Variants in SGPP2 observed in about 807,000 individuals in gnomAD.
SGPP2 encodes sphingosine-1-phosphate phosphatase 2.
In SGPP2, 30 loss-of-function variants were observed where a neutral mutation model predicts 33.9. The ratio of observed to expected loss-of-function variants is 0.89; its 90% confidence interval spans 0.66 to 1.20. The LOEUF (loss-of-function observed/expected upper bound fraction) is 1.20, where lower values mean the gene tolerates loss of function less well. Among genes scored for constraint, SGPP2 ranks in the 50% most tolerant of loss-of-function variants. The probability of loss-of-function intolerance (pLI) is 0.00; values close to 1 mark genes in which losing one functional copy is unlikely to be tolerated. For missense variants in SGPP2, 458 were observed against 532.1 expected (o/e 0.86, Z 1.37); for synonymous variants, 233 against 225.0 (o/e 1.04, Z -0.32).
chr2:222,448,085 G>A (rs1408592999), intron 1 of SGPP2, among the ~76,000 whole-genome samples: 1 of 152,170 alleles, frequency 6.6e-6, no homozygotes, highest in African/African-American at 2.4e-5. Context: ...TATGATCTAG[G>A]TTGGACTCCG....
intron 4 of SGPP2, among the ~76,000 whole-genome samples, chr2:222,537,701 T>G (rs1039426169): frequency 6.6e-6 from 1 of 152,220 alleles, no homozygotes; most frequent in Non-Finnish European, 1.5e-5. Context: ...TCTGAGAACT[T>G]GTCCTAAAGA....
At chr2:222,469,047 A>G (rs1697798573) in intron 1 of SGPP2, among the ~76,000 whole-genome samples, 1 of 152,276 alleles carries the variant, frequency 6.6e-6, no homozygotes, top group South Asian at 2.1e-4. Context: ...AGAGCCTCTC[A>G]TGAGGAATAT....
chr2:222,531,444 T>G (rs1698837933), intron 4 of SGPP2, among the ~76,000 whole-genome samples: 1 of 152,150 alleles, frequency 6.6e-6, no homozygotes, highest in Non-Finnish European at 1.5e-5. Context: ...CTTATATGAT[T>G]CCACTTACAT....
intron 1 of SGPP2, among the ~76,000 whole-genome samples, chr2:222,462,889 G>A (rs1217454975): frequency 6.6e-6 from 1 of 152,106 alleles, no homozygotes; most frequent in Non-Finnish European, 1.5e-5. Context: ...GTCGGAGGAG[G>A]TAGTCTGGGT....
At chr2:222,443,991 G>A (rs545905917) in intron 1 of SGPP2, among the ~76,000 whole-genome samples, 1 of 152,298 alleles carries the variant, frequency 6.6e-6, no homozygotes, top group South Asian at 2.1e-4. Flanking sequence ...ATGGTATTTG[G>A]TGTCAAGTCA....
In SGPP2 at chr2:222,477,839, A is replaced by G. The variant is rs768042337; in HGVS notation, c.378+3113A>G. ...GGTTATTTTCTGCTTCGGATTCCTC[A>G]CTTCAAAGCGTCAGAGTGCTTGTCT... is the stretch of plus-strand genomic sequence containing the variant. On this transcript the variant is annotated intron_variant, in intron 2 of 4. Coordinates refer to ENST00000321276, the MANE Select transcript of SGPP2 (RefSeq NM_152386.4). The surrounding 1 kb of genome is among the most constrained non-coding windows in gnomAD (Gnocchi z 6.0). Among the ~76,000 whole-genome samples the G allele has an allele frequency of 3.9e-5, 6 of 152,060 alleles. No individual in the cohort carries two copies. Among genetic ancestry groups the G allele is most frequent in the African/African-American group, 7.3e-5 (3 of 41,358 alleles).
chr2:222,433,045 A>G (rs1028494445), intron 1 of SGPP2, among the ~76,000 whole-genome samples: 1 of 143,690 alleles, frequency 7.0e-6, no homozygotes, highest in African/African-American at 2.6e-5. Flanking sequence ...GAAAGAAAGA[A>G]AGAAAGAGAG....
At chr2:222,450,541 C>G (rs1050083431) in intron 1 of SGPP2, among the ~76,000 whole-genome samples, 1 of 152,176 alleles carries the variant, frequency 6.6e-6, no homozygotes, top group African/African-American at 2.4e-5. Flanking sequence ...TGGACAGACT[C>G]CACCTCCAAA....
chr2:222,452,385 C>A, intron 1 of SGPP2: 1 of 736,536 alleles, frequency 1.4e-6, no homozygotes, highest in South Asian at 1.4e-5. Context: ...TGAGTAATAT[C>A]AATTTCACTC....
intron 1 of SGPP2, among the ~76,000 whole-genome samples, chr2:222,464,391 A>C (rs940108273): frequency 2.6e-5 from 4 of 152,230 alleles, no homozygotes; most frequent in Non-Finnish European, 5.9e-5. Context: ...TTTCTGTCCT[A>C]TCCAGATAAA....
At chr2:222,496,717 A>G (rs978384338) in intron 2 of SGPP2, among the ~76,000 whole-genome samples, 2 of 151,940 alleles carry the variant, frequency 1.3e-5, no homozygotes, top group African/African-American at 4.8e-5. Flanking sequence ...TACATATTCT[A>G]CTTTGTGCTC....
intron 4 of SGPP2, among the ~76,000 whole-genome samples, chr2:222,548,113 A>C (rs1322252295): frequency 2.0e-5 from 3 of 152,234 alleles, no homozygotes; most frequent in Non-Finnish European, 4.4e-5. Context: ...TTGCATTTCA[A>C]CCAGATAAAA....
chr2:222,454,943 G>T (rs781525244), intron 1 of SGPP2, among the ~76,000 whole-genome samples: 9 of 152,266 alleles, frequency 5.9e-5, no homozygotes, highest in South Asian at 4.1e-4. Context: ...TTTGTTGAAT[G>T]CTTACTGCGT....
intron 1 of SGPP2, among the ~76,000 whole-genome samples, chr2:222,451,046 T>C (rs1697478287): frequency 6.6e-6 from 1 of 152,102 alleles, no homozygotes. Flanking sequence ...AATGCATTTT[T>C]ATTGTCTTAA....
chr2:222,512,169 G>A (rs369570802), intron 2 of SGPP2, among the ~76,000 whole-genome samples: 6 of 151,910 alleles, frequency 3.9e-5, no homozygotes, highest in Admixed American at 2.0e-4. Flanking sequence ...CCGCCACCAC[G>A]CCCAGCTAAT....
At chr2:222,432,132 G>A (rs1490593003) in intron 1 of SGPP2, among the ~76,000 whole-genome samples, 6 of 152,238 alleles carry the variant, frequency 3.9e-5, no homozygotes, top group Non-Finnish European at 7.3e-5. Context: ...TGGCAACTGA[G>A]AGCACTGTGT....
chr2:222,491,588 A>G (rs991568891), intron 2 of SGPP2, among the ~76,000 whole-genome samples: 5 of 152,102 alleles, frequency 3.3e-5, no homozygotes, highest in African/African-American at 1.2e-4. Flanking sequence ...CCATGATCCA[A>G]TCACCTCCCA....
chr2:222,519,522 A>T (rs190316156), intron 2 of SGPP2, among the ~76,000 whole-genome samples: 1 of 152,364 alleles, frequency 6.6e-6, no homozygotes, highest in African/African-American at 2.4e-5. Context: ...TAATAATCCT[A>T]TTCACTTTTA....
At chr2:222,541,786 G>T (rs933802455) in intron 4 of SGPP2, among the ~76,000 whole-genome samples, 1 of 151,804 alleles carries the variant, frequency 6.6e-6, no homozygotes, top group South Asian at 2.1e-4. Context: ...GCTAATTTTT[G>T]TATTTTTAGT....
Sources: gnomAD v4.1 joint callset for allele counts (sites outside exome capture counted in the v4.1 genomes callset) on GRCh38, gnomAD v4.1.1 for gene constraint, Gnocchi (gnomAD v3.1) non-coding constraint, MANE v1.5 for transcripts, NCBI Gene and HGNC (gene_info 2026-07-23, HGNC 2026-07-21) for gene names.